Variants in MAPK4 observed in about 807,000 individuals in gnomAD.
MAPK4 encodes the protein Erk3-related.
A neutral mutation model predicts 47.7 loss-of-function variants in MAPK4; 22 were observed. That is an observed-to-expected ratio of 0.46 (90% CI 0.33 to 0.66). The LOEUF is 0.66. MAPK4 is among the 30% of genes least tolerant of loss of function. The probability of loss-of-function intolerance (pLI) is 0.02; values close to 1 mark genes in which losing one functional copy is unlikely to be tolerated. For missense variants in MAPK4, 736 were observed against 831.7 expected (o/e 0.88, Z 1.42); for synonymous variants, 390 against 365.7 (o/e 1.07, Z -0.76).
chr18:50,630,486 G>A (rs1375461917), intron 1 of MAPK4, among the ~76,000 whole-genome samples: 3 of 152,106 alleles, frequency 2.0e-5, no homozygotes, highest in Admixed American at 6.5e-5. Context: ...ACTGCATCTG[G>A]CCTGTTTCCT....
intron 1 of MAPK4, among the ~76,000 whole-genome samples, chr18:50,600,154 A>G (rs2042522339): frequency 6.6e-6 from 1 of 152,136 alleles, no homozygotes; most frequent in South Asian, 2.1e-4. Context: ...CACCCCAACC[A>G]CACTGAATAT....
intron 1 of MAPK4, among the ~76,000 whole-genome samples, chr18:50,655,593 G>T (rs144754124): frequency 6.6e-6 from 1 of 152,162 alleles, no homozygotes; most frequent in Non-Finnish European, 1.5e-5. Context: ...TTCAAAAGCC[G>T]GAAAGCCAGG....
intron 1 of MAPK4, among the ~76,000 whole-genome samples, chr18:50,619,910 A>G (rs9951573): frequency 0.023 from 3,557 of 152,324 alleles, 144 homozygotes; most frequent in African/African-American, 0.079. Context: ...GTCCACAGGG[A>G]GGCTGGCGTA....
intron 1 of MAPK4, among the ~76,000 whole-genome samples, chr18:50,574,391 A>T (rs1263761979): frequency 6.6e-6 from 1 of 152,232 alleles, no homozygotes; most frequent in East Asian, 1.9e-4. Context: ...CAAGAGAATT[A>T]GAATCACATG....
chr18:50,721,675 C>T (rs1303149899), intron 3 of MAPK4, among the ~76,000 whole-genome samples: 1 of 152,194 alleles, frequency 6.6e-6, no homozygotes, highest in Admixed American at 6.5e-5. Flanking sequence ...TGGTCTGAGA[C>T]ACAGAATGCT....
At chr18:50,727,591 G>A (rs1911270023) in intron 5 of MAPK4, among the ~76,000 whole-genome samples, 3 of 152,150 alleles carry the variant, frequency 2.0e-5, no homozygotes, top group African/African-American at 7.2e-5. Flanking sequence ...CAGAGAGCCT[G>A]GAGGCAAAGA....
intron 1 of MAPK4, among the ~76,000 whole-genome samples, chr18:50,635,515 G>A (rs2042877537): frequency 1.3e-5 from 2 of 152,176 alleles, no homozygotes; most frequent in South Asian, 4.1e-4. Flanking sequence ...TATCTCTGTA[G>A]CGTAGTCCAA....
At chr18:50,685,061 C>T (rs1189998827) in intron 2 of MAPK4, among the ~76,000 whole-genome samples, 1 of 152,214 alleles carries the variant, frequency 6.6e-6, no homozygotes, top group Non-Finnish European at 1.5e-5. Flanking sequence ...CCACCAGAAA[C>T]ACACAGTACT....
In MAPK4 at chr18:50,624,515, A is replaced by G. The variant is rs118072110; in HGVS notation, c.-870-38574A>G. Among the ~76,000 whole-genome samples the G allele has an allele frequency of 3.0e-4, 46 of 152,332 alleles. No homozygotes were observed. The East Asian group carries it at 8.1e-3, about 27-fold the overall frequency. On this transcript the variant is annotated intron_variant, in intron 1 of 5. Transcript: ENST00000400384. Reference sequence around the variant, plus strand: ...AATAGTATATAACTTACAAGATAGTATATACTGTAGGGTCCTATTTGACTT... The same window carrying G: ...AATAGTATATAACTTACAAGATAGTGTATACTGTAGGGTCCTATTTGACTT...
chr18:50,632,237 C>T (rs529765488), intron 1 of MAPK4, among the ~76,000 whole-genome samples: 30 of 152,170 alleles, frequency 2.0e-4, no homozygotes, highest in Admixed American at 3.3e-4. Flanking sequence ...GTATTTCTCT[C>T]CAAATTTCAC....
At chr18:50,622,643 G>T (rs3907130) in intron 1 of MAPK4, among the ~76,000 whole-genome samples, 52,535 of 152,062 alleles carry the variant, frequency 0.35, 9,312 homozygotes, top group Middle Eastern at 0.39. Flanking sequence ...ATTGACACAT[G>T]GGCTGAGAAC....
At chr18:50,683,849 C>A (rs893169082) in intron 2 of MAPK4, among the ~76,000 whole-genome samples, 13 of 152,040 alleles carry the variant, frequency 8.6e-5, no homozygotes, top group Non-Finnish European at 2.9e-5. Flanking sequence ...GGTGGCATGG[C>A]GCTGGAGTCC....
intron 1 of MAPK4, among the ~76,000 whole-genome samples, chr18:50,600,967 A>T (rs1310162391): frequency 6.6e-6 from 1 of 152,022 alleles, no homozygotes; most frequent in African/African-American, 2.4e-5. Context: ...CGATTTGAAG[A>T]TAAAAAAGTG....
Position 50,731,386 on chromosome 18 carries a change from C to T in MAPK4, c.*1532C>T, listed in dbSNP as rs74860287. 0.022 allele frequency: 3,359 copies of T among 152,422 alleles called. 53 individuals carry two copies. The highest frequency in any genetic ancestry group is 0.037 in the Non-Finnish European group (2,533 of 68,078). The allele number at this position is 152,422 out of a possible 1,614,324, so 9.4% of individuals were successfully genotyped here. A position where few individuals can be genotyped will look rare whatever the true frequency, so the allele number is the denominator to read the frequency against. On this transcript the variant is annotated 3_prime_UTR_variant, in exon 6 of 6. Transcript: ENST00000400384. ...CCCCCAACACTCCCAAAGATACCCA[C>T]AGGAAGTCCAGCCAGTTTCCAGGTA...
intron 1 of MAPK4, among the ~76,000 whole-genome samples, chr18:50,604,023 C>T (rs2042562789): frequency 6.6e-6 from 1 of 152,134 alleles, no homozygotes; most frequent in South Asian, 2.1e-4. Context: ...GAATTTGAGG[C>T]AGGCATACCC....
At chr18:50,694,050 A>C (rs1176524007) in intron 2 of MAPK4, among the ~76,000 whole-genome samples, 6 of 152,228 alleles carry the variant, frequency 3.9e-5, no homozygotes, top group Admixed American at 3.9e-4. Flanking sequence ...TTCGGTATTT[A>C]TCTGAAAGAG....
At chr18:50,654,702 A>G (rs2043088176) in intron 1 of MAPK4, among the ~76,000 whole-genome samples, 1 of 152,238 alleles carries the variant, frequency 6.6e-6, no homozygotes, top group Admixed American at 6.5e-5. Flanking sequence ...CTCAGCCTTC[A>G]GCCTGGGCAG....
intron 2 of MAPK4, among the ~76,000 whole-genome samples, chr18:50,712,292 T>C (rs1201487527): frequency 1.3e-5 from 2 of 152,098 alleles, no homozygotes; most frequent in Non-Finnish European, 2.9e-5. Context: ...CTGGGTGTGT[T>C]GGTGTGCGCC....
At chr18:50,658,672 T>A (rs1419518590) in intron 1 of MAPK4, among the ~76,000 whole-genome samples, 1 of 152,232 alleles carries the variant, frequency 6.6e-6, no homozygotes, top group Non-Finnish European at 1.5e-5. Flanking sequence ...ATTGCAGAAC[T>A]AGAAGGGACT....
Sources: gnomAD v4.1 joint callset for allele counts (sites outside exome capture counted in the v4.1 genomes callset) on GRCh38, gnomAD v4.1.1 for gene constraint, MANE v1.5 for transcripts, NCBI Gene and HGNC (gene_info 2026-07-23, HGNC 2026-07-21) for gene names.